The following PXDN variants were observed in gnomAD, a reference collection of about 807,000 sequenced individuals.
PXDN encodes the protein peroxidasin homolog.
PXDN carries 77 observed loss-of-function variants against 140.3 expected under a neutral mutation model. That is an observed-to-expected ratio of 0.55 (90% CI 0.46 to 0.66). PXDN has a LOEUF of 0.66. Ranked by LOEUF, PXDN falls within the 30% of genes least tolerant of loss-of-function variation. PXDN has a pLI of 0.00. For synonymous variants in PXDN, 911 were observed against 857.4 expected (o/e 1.06, Z -1.09); for missense variants, 1,838 against 2,039.5 (o/e 0.90, Z 1.90).
intron 1 of PXDN, among the ~76,000 whole-genome samples, chr2:1,710,304 T>TG (rs1161914952): frequency 1.3e-5 from 2 of 152,168 alleles, no homozygotes; most frequent in Non-Finnish European, 2.9e-5. Flanking sequence ...GTCAGGAACT[T>TG]GCTCAAGTCT....
At chr2:1,645,541 T>C (rs1254611452) in intron 17 of PXDN, among the ~76,000 whole-genome samples, 3 of 152,248 alleles carry the variant, frequency 2.0e-5, no homozygotes, top group Non-Finnish European at 4.4e-5. Context: ...ACAGATTTTG[T>C]TGCTTACTGA....
chr2:1,699,192 T>C (rs1056707298), intron 1 of PXDN, among the ~76,000 whole-genome samples: 4 of 152,194 alleles, frequency 2.6e-5, no homozygotes, highest in South Asian at 2.1e-4. Flanking sequence ...CCAGGGACTT[T>C]TGCCATTAGA....
At chr2:1,678,422 C>T (rs1448219157) in intron 7 of PXDN, among the ~76,000 whole-genome samples, 1 of 152,178 alleles carries the variant, frequency 6.6e-6, no homozygotes, top group East Asian at 1.9e-4. Context: ...TACACCTGAA[C>T]GGGGTGAATT....
Position 1,744,476 on chromosome 2 carries a change from G to T in PXDN, c.-21C>A. 2 of 1,430,772 alleles carry T rather than the reference G, an allele frequency of 1.4e-6. No homozygotes were observed. Among genetic ancestry groups the T allele is most frequent in the Non-Finnish European group, 1.8e-6 (2 of 1,100,878 alleles). The allele number at this position is 1,430,772 out of a possible 1,614,324, so 88.6% of individuals were successfully genotyped here. ...GCCATGGCCGACGGCGCGGACGGAC[G>T]CTCGGACGCACGGAGCCACCACGGC... On this transcript the variant is annotated 5_prime_UTR_variant, in exon 1 of 23. Coordinates refer to ENST00000252804, the MANE Select transcript of PXDN (RefSeq NM_012293.3).
rs1222298381 is a variant in PXDN at position 1,639,001 on chromosome 2, G to A, written c.4074-23C>T. 2 of 1,612,492 alleles carry A rather than the reference G, an allele frequency of 1.2e-6. No homozygotes were observed. The highest frequency in any genetic ancestry group is 2.7e-5 in the African/African-American group (2 of 74,898). On this transcript the variant is annotated intron_variant, in intron 20 of 22. Coordinates refer to ENST00000252804, the MANE Select transcript of PXDN (RefSeq NM_012293.3). This position sits in a 1 kb window ranked among gnomAD's most constrained non-coding sequence, Gnocchi z 5.0. ...ACACTGTGGTGAGGGGAAAGGAGGA[G>A]GAGGGAAATATAACCTTGGCAGGTC...
intron 1 of PXDN, among the ~76,000 whole-genome samples, chr2:1,718,266 A>G (rs946530301): frequency 1.3e-5 from 2 of 151,994 alleles, no homozygotes; most frequent in Admixed American, 6.6e-5. Context: ...CTACTCACCT[A>G]TTCCACTAAC....
At chr2:1,658,256 C>A (rs1481914914) in intron 14 of PXDN, among the ~76,000 whole-genome samples, 6 of 147,090 alleles carry the variant, frequency 4.1e-5, no homozygotes, top group Non-Finnish European at 8.8e-5. Flanking sequence ...CAAATTTACA[C>A]CATCGTCCTG....
At position 1,663,710 on chromosome 2, in the gene PXDN, T is replaced by C; in HGVS notation, c.1462A>G (p.Arg488Gly). The C allele has an allele frequency of 6.2e-7, 1 of 1,613,798 alleles. No individual in the cohort carries two copies. The highest frequency in any genetic ancestry group is 8.5e-7 in the Non-Finnish European group (1 of 1,179,900). Reference sequence around the variant, plus strand: ...TCGTGGAGGGCAACACCAGAGATTCTAAGTGTTCCCGATGACAGGACCAGG... The same window carrying C: ...TCGTGGAGGGCAACACCAGAGATTCCAAGTGTTCCCGATGACAGGACCAGG... Reference protein sequence around the residue: ...RHLVLSSGTLRISGVALHDQG... With the variant: ...RHLVLSSGTLGISGVALHDQG... Residue 488 changes from arginine to glycine, a missense_variant, in exon 12 of 23, where the codon AGA (arginine) becomes GGA (glycine). By Grantham distance (125) the Arg-to-Gly change is moderately radical. This residue lies in a region of PXDN where 537 missense variants were observed against 583.9 expected (regional missense o/e 0.92). Transcript: ENST00000252804.
At chr2:1,692,676 A>G (rs1282619382) in intron 2 of PXDN, 1 of 461,422 alleles carries the variant, frequency 2.2e-6, no homozygotes, top group Non-Finnish European at 4.5e-6. Flanking sequence ...CCCTCACTTA[A>G]GTCCACTCCA....
intron 16 of PXDN, among the ~76,000 whole-genome samples, chr2:1,650,428 A>C (rs570975898): frequency 1.3e-5 from 2 of 152,174 alleles, no homozygotes; most frequent in African/African-American, 4.8e-5. Context: ...GTCTTTGCCC[A>C]CTAGCTACAG....
rs1685636548 is a variant in PXDN, at chr2:1,744,280, G to A, written c.176C>T (p.Ala59Val). The part of the protein sequence containing the change: ...CMHLLLEAVP[A>V]VAPQTSILDL... ...CAGGATGGAGGTCTGCGGCGCCACG[G>A]CGGGCACGGCCTCCAGCAGCAGATG... is the stretch of plus-strand genomic sequence containing the variant. The change falls in exon 1 of 23, where the codon GCC becomes GTC. Residue 59 changes from alanine (A) to valine (V), a missense_variant. Ala to Val is a moderately conservative substitution (Grantham distance 64). Coordinates refer to ENST00000252804, the MANE Select transcript of PXDN (RefSeq NM_012293.3). 1.3e-6 allele frequency: 2 copies of A among 1,519,652 alleles called. No homozygotes were observed. Among genetic ancestry groups the A allele is most frequent in the Non-Finnish European group, 1.8e-6 (2 of 1,139,706 alleles). 94.1% of individuals were successfully genotyped at this position (1,519,652 alleles called of 1,614,324 possible).
chr2:1,734,759 C>A (rs1426680544), intron 1 of PXDN, among the ~76,000 whole-genome samples: 1 of 152,112 alleles, frequency 6.6e-6, no homozygotes. Context: ...CTCAGCTACT[C>A]GGGAGGCTGA....
intron 1 of PXDN, among the ~76,000 whole-genome samples, chr2:1,743,929 G>T (rs548772606): frequency 6.6e-6 from 1 of 151,414 alleles, no homozygotes; most frequent in Admixed American, 6.6e-5. Flanking sequence ...GGAGGCGAGC[G>T]GGGGGAGCCC....
chr2:1,735,686 T>A (rs1284688555), intron 1 of PXDN, among the ~76,000 whole-genome samples: 2 of 152,134 alleles, frequency 1.3e-5, no homozygotes, highest in Non-Finnish European at 2.9e-5. Flanking sequence ...ACACAGTAGA[T>A]TTGGCAGGGT....
At chr2:1,665,125 T>TAA in intron 10 of PXDN, 51 bp from the exon 11 acceptor site, 1 of 1,360,888 alleles carries the variant, frequency 7.3e-7, no homozygotes, top group South Asian at 1.2e-5. Flanking sequence ...CAGCCTGGGG[T>TAA]AAAAACGCGA....
chr2:1,684,002 T>G (rs1683984895), intron 5 of PXDN, 78 bp downstream of exon 5: 1 of 1,340,654 alleles, frequency 7.5e-7, no homozygotes, highest in South Asian at 1.4e-5. Context: ...TTGGTAGATA[T>G]TGACCTTAAT....
At chr2:1,694,006 C>T (rs1422023404) in intron 1 of PXDN, among the ~76,000 whole-genome samples, 1 of 152,172 alleles carries the variant, frequency 6.6e-6, no homozygotes, top group Non-Finnish European at 1.5e-5. Flanking sequence ...TGCAGACAGC[C>T]CATCCCAGCT....
intron 1 of PXDN, among the ~76,000 whole-genome samples, chr2:1,725,552 G>T (rs567420467): frequency 3.9e-5 from 6 of 152,034 alleles, no homozygotes; most frequent in Non-Finnish European, 7.4e-5. Flanking sequence ...AAAAGCAATG[G>T]CAACAAAAGC....
At chr2:1,725,919 C>A (rs1033145381) in intron 1 of PXDN, among the ~76,000 whole-genome samples, 47 of 150,952 alleles carry the variant, frequency 3.1e-4, no homozygotes, top group Non-Finnish European at 5.6e-4. Flanking sequence ...ATTAAAAAGT[C>A]AGGAAGCAAC....
Sources: gnomAD v4.1 joint callset for allele counts (sites outside exome capture counted in the v4.1 genomes callset) on GRCh38, gnomAD v4.1.1 for gene constraint, gnomAD v4.1.1 regional missense constraint, Gnocchi (gnomAD v3.1) non-coding constraint, MANE v1.5 for transcripts, NCBI Gene and HGNC (gene_info 2026-07-23, HGNC 2026-07-21) for gene names.